TRAPPC9: variants seen among roughly 807,000 people sequenced by gnomAD.
TRAPPC9 encodes the protein trafficking protein particle complex subunit 9.
Under a neutral mutation model 124.0 loss-of-function variants are expected in TRAPPC9, and 83 were observed. That is an observed-to-expected ratio of 0.67 (90% CI 0.56 to 0.80). The LOEUF is 0.80. TRAPPC9 is among the 30% of genes least tolerant of loss of function. TRAPPC9 has a pLI of 0.00. For missense variants in TRAPPC9, 1,302 were observed against 1,508.3 expected, an observed-to-expected ratio of 0.86 and a Z score of 2.27; for synonymous variants, 638 against 617.5, an observed-to-expected ratio of 1.03 and a Z score of -0.49.
At chr8:139,995,772 G>A (rs189439232) in intron 18 of TRAPPC9, among the ~76,000 whole-genome samples, 27 of 150,094 alleles carry the variant, frequency 1.8e-4, no homozygotes, top group Admixed American at 7.3e-4. Flanking sequence ...CAAGAATGCC[G>A]ACGGGCACCC....
chr8:140,176,358 G>A (rs1464025779), intron 17 of TRAPPC9, among the ~76,000 whole-genome samples: 1 of 152,098 alleles, frequency 6.6e-6, no homozygotes, highest in Non-Finnish European at 1.5e-5. Flanking sequence ...CGAGTGACCT[G>A]CCTCCTGTTA....
At chr8:140,228,078 C>T (rs1474571445) in intron 16 of TRAPPC9, among the ~76,000 whole-genome samples, 1 of 152,234 alleles carries the variant, frequency 6.6e-6, no homozygotes, top group Non-Finnish European at 1.5e-5. Context: ...CTTGCAGGGG[C>T]TTAGCATCTA....
In TRAPPC9 at chr8:139,727,996, G is replaced by A. The variant is rs1019487412; in HGVS notation, c.*3065C>T. Among the ~76,000 whole-genome samples, 2 of 151,310 alleles carry A rather than the reference G, an allele frequency of 1.3e-5. No individual in the cohort carries two copies. The highest frequency in any genetic ancestry group is 4.9e-5 in the African/African-American group (2 of 40,936). ...TGGGAAGGCTAGGAGAAGGGACCCAGTATTTATTAAGAAGTTGCTATCATG... is the reference window on the plus strand; with the variant it reads ...TGGGAAGGCTAGGAGAAGGGACCCAATATTTATTAAGAAGTTGCTATCATG... On this transcript the variant is annotated 3_prime_UTR_variant, in exon 23 of 23. Coordinates refer to ENST00000438773, the MANE Select transcript of TRAPPC9 (RefSeq NM_001160372.4).
intron 4 of TRAPPC9, among the ~76,000 whole-genome samples, chr8:140,434,552 A>G (rs1036862845): frequency 3.3e-5 from 5 of 152,260 alleles, no homozygotes; most frequent in African/African-American, 1.2e-4. Context: ...TAGACACAGA[A>G]CCTCAAGTCT....
intron 21 of TRAPPC9, among the ~76,000 whole-genome samples, chr8:139,818,297 C>T (rs1484400138): frequency 6.6e-6 from 1 of 152,190 alleles, no homozygotes; most frequent in East Asian, 1.9e-4. Context: ...AAAGACAGGC[C>T]TGGCATGGTA....
At chr8:140,128,428 C>T (rs900067060) in intron 17 of TRAPPC9, among the ~76,000 whole-genome samples, 6 of 152,204 alleles carry the variant, frequency 3.9e-5, no homozygotes, top group Admixed American at 2.0e-4. Context: ...AGGCTGCATA[C>T]AAGAAGCAGT....
intron 21 of TRAPPC9, among the ~76,000 whole-genome samples, chr8:139,733,338 C>T (rs1817959350): frequency 6.6e-6 from 1 of 152,182 alleles, no homozygotes. Context: ...CATGGTCCTG[C>T]AGCACCTTGG....
At position 140,371,375 on chromosome 8, in the gene TRAPPC9, G is replaced by A. The variant is rs569303419; in HGVS notation, c.1135-195C>T. On this transcript the variant is annotated intron_variant, in intron 7 of 22. Transcript: ENST00000438773. ...AGACCTTCCCCAGCCACAGCTGCAG[G>A]TGCAGCCCATCTTCCTGCTGATAAA... 1.6e-4 allele frequency among the ~76,000 whole-genome samples: 25 copies of A among 152,380 alleles called. 1 individual carries two copies. Among genetic ancestry groups the A allele is most frequent in the Admixed American group, 1.4e-3 (22 of 15,310 alleles).
At chr8:140,324,416 A>G (rs1396493080) in intron 9 of TRAPPC9, among the ~76,000 whole-genome samples, 1 of 152,226 alleles carries the variant, frequency 6.6e-6, no homozygotes, top group Non-Finnish European at 1.5e-5. Flanking sequence ...CCTGATAGAA[A>G]TAAGAACAGA....
intron 20 of TRAPPC9, among the ~76,000 whole-genome samples, chr8:139,895,850 TC>T (rs1168358263): frequency 6.6e-6 from 1 of 152,216 alleles, no homozygotes; most frequent in Non-Finnish European, 1.5e-5. Context: ...CATATTACTT[TC>T]ATTAAAAAGT....
At chr8:139,760,060 A>G (rs1445925216) in intron 21 of TRAPPC9, among the ~76,000 whole-genome samples, 2 of 152,214 alleles carry the variant, frequency 1.3e-5, no homozygotes, top group African/African-American at 2.4e-5. Context: ...ATGCACATGC[A>G]TGTGTGCGTT....
At chr8:140,407,645 C>T (rs1439490038) in intron 5 of TRAPPC9, among the ~76,000 whole-genome samples, 2 of 152,106 alleles carry the variant, frequency 1.3e-5, no homozygotes, top group East Asian at 3.9e-4. Flanking sequence ...TCTCTGTCAC[C>T]CAGGCTGGAG....
chr8:140,100,443 G>A (rs2060556419), intron 17 of TRAPPC9: 1 of 152,220 alleles, frequency 6.6e-6, no homozygotes, highest in Non-Finnish European at 1.5e-5. Context: ...ATGCAGGGTC[G>A]GGACACCCAG....
intron 21 of TRAPPC9, among the ~76,000 whole-genome samples, chr8:139,851,617 G>C (rs1430760032): frequency 6.6e-6 from 1 of 152,180 alleles, no homozygotes. Context: ...CGAGAACACA[G>C]CCTGGGAATC....
intron 16 of TRAPPC9, among the ~76,000 whole-genome samples, chr8:140,251,235 C>A (rs1172365274): frequency 6.6e-6 from 1 of 152,184 alleles, no homozygotes; most frequent in African/African-American, 2.4e-5. Flanking sequence ...CCCAAGTGTT[C>A]CAGGGGCAGG....
chr8:139,746,569 A>G (rs939744034), intron 21 of TRAPPC9, among the ~76,000 whole-genome samples: 1 of 152,188 alleles, frequency 6.6e-6, no homozygotes, highest in East Asian at 1.9e-4. Flanking sequence ...GGACGAAGAC[A>G]CGAGGTGGTC....
At chr8:140,035,635 G>A (rs6578061) in intron 17 of TRAPPC9, among the ~76,000 whole-genome samples, 65,131 of 152,118 alleles carry the variant, frequency 0.43, 16,155 homozygotes, top group Middle Eastern at 0.59. Context: ...CGTTCGGCAA[G>A]GTGAGGTACG....
intron 21 of TRAPPC9, among the ~76,000 whole-genome samples, chr8:139,866,347 AG>A (rs1828535862): frequency 6.6e-6 from 1 of 152,180 alleles, no homozygotes; most frequent in Admixed American, 6.5e-5. Flanking sequence ...TCAGATGGTC[AG>A]GGGGCCTTAG....
chr8:139,777,767 T>A lies in TRAPPC9; in HGVS notation c.3056-45565A>T, dbSNP rs1821492877. ...CATGAAACAATGGTTTCCAAGACAC[T>A]GGCCATTAGGGAACAAAGAACAGAG... On this transcript the variant is annotated intron_variant, in intron 21 of 22. Transcript: ENST00000438773. 3.3e-5 allele frequency among the ~76,000 whole-genome samples: 5 copies of A among 152,132 alleles called. No individual in the cohort carries two copies. In the South Asian group the frequency reaches 1.0e-3, roughly 32 times the overall value.
Sources: allele counts gnomAD v4.1 joint callset (sites outside exome capture counted in the v4.1 genomes callset), GRCh38; gene constraint gnomAD v4.1.1; transcripts MANE v1.5; gene names NCBI Gene and HGNC (gene_info 2026-07-23, HGNC 2026-07-21).